The following PCDH9 variants were observed in gnomAD, a reference collection of about 807,000 sequenced individuals.
PCDH9 encodes the protein protocadherin 9, also known as protocadherin-9.
In PCDH9, 24 loss-of-function variants were observed where a neutral mutation model predicts 70.6. The observed-to-expected ratio is 0.34, with a 90% confidence interval of 0.25 to 0.48. PCDH9 has a LOEUF of 0.48. Among genes scored for constraint, PCDH9 ranks in the 20% least tolerant of loss-of-function variants. PCDH9 has a pLI of 0.99. For missense variants in PCDH9, 1,281 were observed against 1,503.6 expected, an observed-to-expected ratio of 0.85 and a Z score of 2.45; for synonymous variants, 562 against 558.5, an observed-to-expected ratio of 1.01 and a Z score of -0.09.
rs71207605 is a variant in PCDH9 at position 66,801,996 on chromosome 13, C to CTGTTTGTT, written c.3138+101500_3138+101507dup. On this transcript the variant is annotated intron_variant, in intron 3 of 4. Transcript: ENST00000377865. ...CATTGCATGTAGACCAGGTGTTTTTCTGTTTGTTTGTTTGTTTGTTTGTTT... is the reference window on the plus strand; with the variant it reads ...CATTGCATGTAGACCAGGTGTTTTTCTGTTTGTTTGTTTGTTTGTTTGTTTGTTTGTTT... Among the ~76,000 whole-genome samples the CTGTTTGTT allele has an allele frequency of 1.9e-3, 279 of 149,730 alleles. 1 individual carries two copies. The highest frequency in any genetic ancestry group is 6.4e-3 in the African/African-American group (259 of 40,412).
intron 2 of PCDH9, among the ~76,000 whole-genome samples, chr13:67,107,133 G>C (rs1387789798): frequency 6.6e-6 from 1 of 152,116 alleles, no homozygotes; most frequent in Admixed American, 6.5e-5. Flanking sequence ...GGGCCGGGCT[G>C]TCACTTCCAG....
chr13:66,432,262 C>T (rs1372066295), intron 4 of PCDH9, among the ~76,000 whole-genome samples: 1 of 151,900 alleles, frequency 6.6e-6, no homozygotes, highest in African/African-American at 2.4e-5. Flanking sequence ...CCAATGAATA[C>T]AAGAATGTAG....
At chr13:66,898,846 T>C (rs2082228716) in intron 3 of PCDH9, among the ~76,000 whole-genome samples, 1 of 152,012 alleles carries the variant, frequency 6.6e-6, no homozygotes, top group African/African-American at 2.4e-5. Context: ...CTAGGCTGTG[T>C]AACAAACTGA....
At chr13:67,048,942 A>C (rs1405335384) in intron 2 of PCDH9, among the ~76,000 whole-genome samples, 1 of 152,232 alleles carries the variant, frequency 6.6e-6, no homozygotes, top group African/African-American at 2.4e-5. Context: ...CAACACTGAA[A>C]TACTACAGGG....
chr13:66,666,973 G>A (rs550789900), intron 3 of PCDH9, among the ~76,000 whole-genome samples: 2 of 152,262 alleles, frequency 1.3e-5, no homozygotes, highest in Non-Finnish European at 2.9e-5. Context: ...TAAATGTGGA[G>A]TTAGATATAA....
intron 2 of PCDH9, among the ~76,000 whole-genome samples, chr13:66,983,199 C>T (rs1417569151): frequency 6.6e-6 from 1 of 152,004 alleles, no homozygotes; most frequent in Non-Finnish European, 1.5e-5. Flanking sequence ...CCTGCACGTC[C>T]TGCACGTGTA....
At chr13:66,597,590 T>A (rs1394482525) in intron 4 of PCDH9, among the ~76,000 whole-genome samples, 1 of 151,372 alleles carries the variant, frequency 6.6e-6, no homozygotes, top group African/African-American at 2.4e-5. Context: ...CAAGATGGAG[T>A]AAAGACTCAA....
Position 67,105,264 on chromosome 13 carries a change from A to G in PCDH9, c.3036+120141T>C, listed in dbSNP as rs574085239. ...TGTTCTAAGAATAAAATCAGATAAA[A>G]TGAAAAGCTTTTCTTACTCTGTAAT... On this transcript the variant is annotated intron_variant, in intron 2 of 4. Coordinates refer to ENST00000377865, the MANE Select transcript of PCDH9 (RefSeq NM_203487.3). Among the ~76,000 whole-genome samples, 9 of 152,326 alleles carry G rather than the reference A, an allele frequency of 5.9e-5. No individual in the cohort carries two copies. The South Asian group carries it at 1.9e-3, about 32-fold the overall frequency.
At position 67,181,179 on chromosome 13, in the gene PCDH9, A is replaced by G. The variant is rs182690249; in HGVS notation, c.3036+44226T>C. Among the ~76,000 whole-genome samples the G allele has an allele frequency of 1.9e-4, 29 of 152,304 alleles. No homozygotes were observed. The East Asian group carries it at 3.9e-3, about 20-fold the overall frequency. ...ATCAGTGGTTTTCAAACTAGTGTCT[A>G]TGAAAAGCTTAAGTCAAAAGAGGAG... On this transcript the variant is annotated intron_variant, in intron 2 of 4. Transcript: ENST00000377865.
At chr13:67,228,689 C>T (rs1002515762) in intron 1 of PCDH9, 114 bp from the exon 2 acceptor site, 133 of 354,666 alleles carry the variant, frequency 3.8e-4, no homozygotes, top group Non-Finnish European at 1.4e-4. Flanking sequence ...GTTTGCTCTG[C>T]CACTGTTTGC....
At chr13:66,881,258 T>A (rs560126194) in intron 3 of PCDH9, among the ~76,000 whole-genome samples, 9 of 152,294 alleles carry the variant, frequency 5.9e-5, no homozygotes, top group African/African-American at 1.9e-4. Flanking sequence ...TACCCAAGAC[T>A]GGGCAATTTA....
intron 4 of PCDH9, among the ~76,000 whole-genome samples, chr13:66,350,024 C>T (rs1355858965): frequency 2.0e-5 from 3 of 152,166 alleles, no homozygotes; most frequent in Non-Finnish European, 4.4e-5. Flanking sequence ...CCATCGGTCA[C>T]GTCACATTCC....
At chr13:67,099,223 G>A (rs2086383536) in intron 2 of PCDH9, among the ~76,000 whole-genome samples, 3 of 152,110 alleles carry the variant, frequency 2.0e-5, no homozygotes, top group Admixed American at 6.6e-5. Flanking sequence ...TTTTACCATA[G>A]AAAAAATTAT....
chr13:66,518,414 A>C (rs138416521), intron 4 of PCDH9, among the ~76,000 whole-genome samples: 1,840 of 152,250 alleles, frequency 0.012, 22 homozygotes, highest in Middle Eastern at 0.027. Flanking sequence ...CTGAATCATC[A>C]ATAAAACCAC....
At chr13:67,178,157 A>C (rs955129950) in intron 2 of PCDH9, among the ~76,000 whole-genome samples, 2 of 152,010 alleles carry the variant, frequency 1.3e-5, no homozygotes, top group Admixed American at 6.6e-5. Context: ...TTGAATTCTT[A>C]CTGCTCCCAT....
intron 3 of PCDH9, among the ~76,000 whole-genome samples, chr13:66,722,967 CA>C (rs1210244459): frequency 0.027 from 1,978 of 73,714 alleles, 27 homozygotes; most frequent in African/African-American, 0.073. Flanking sequence ...GACTGCATCT[CA>C]AAAAAAAAAA....
chr13:67,181,802 C>G (rs2138484769), intron 2 of PCDH9, among the ~76,000 whole-genome samples: 1 of 152,216 alleles, frequency 6.6e-6, no homozygotes, highest in South Asian at 2.1e-4. Context: ...TTTCTACAAC[C>G]ATTCTTCTCA....
At chr13:66,691,489 G>A (rs2078485101) in intron 3 of PCDH9, among the ~76,000 whole-genome samples, 2 of 151,912 alleles carry the variant, frequency 1.3e-5, no homozygotes, top group Admixed American at 1.3e-4. Flanking sequence ...ACTGTCTTTT[G>A]TTTCAATGAT....
intron 2 of PCDH9, among the ~76,000 whole-genome samples, chr13:66,980,737 T>TTG (rs1377192399): frequency 1.4e-5 from 2 of 140,272 alleles, no homozygotes; most frequent in East Asian, 2.0e-4. Flanking sequence ...TTTGTTTTTT[T>TTG]TTTTGTTTTT....
Sources: allele counts gnomAD v4.1 joint callset (sites outside exome capture counted in the v4.1 genomes callset), GRCh38; gene constraint gnomAD v4.1.1; transcripts MANE v1.5; gene names NCBI Gene and HGNC (gene_info 2026-07-23, HGNC 2026-07-21).